ME3: variants seen among roughly 807,000 people sequenced by gnomAD.
ME3 encodes the protein NADP-dependent malic enzyme, mitochondrial.
In ME3, 48 loss-of-function variants were observed where a neutral mutation model predicts 68.9. That is an observed-to-expected ratio of 0.70 (90% CI 0.55 to 0.89). The LOEUF (loss-of-function observed/expected upper bound fraction) is 0.89, where lower values mean the gene tolerates loss of function less well. Ranked by LOEUF, ME3 falls within the 40% of genes least tolerant of loss-of-function variation. The pLI is 0.00. For missense variants in ME3, 675 were observed against 797.4 expected (o/e 0.85, Z 1.85); for synonymous variants, 320 against 318.8 (o/e 1.00, Z -0.04).
chr11:86,446,288 A>T, intron 13 of ME3, 26 bp downstream of exon 13: 1 of 1,612,530 alleles, frequency 6.2e-7, no homozygotes, highest in Non-Finnish European at 8.5e-7. Flanking sequence ...TACTGCAAGC[A>T]TTTGAGGGAG....
intron 4 of ME3, among the ~76,000 whole-genome samples, chr11:86,536,958 A>C (rs1303522172): frequency 2.0e-5 from 3 of 152,004 alleles, no homozygotes; most frequent in Admixed American, 6.5e-5. Context: ...ATGCAGCCAT[A>C]AAAAATGATG....
chr11:86,453,444 T>C (rs747999785), intron 8 of ME3, among the ~76,000 whole-genome samples: 7 of 152,202 alleles, frequency 4.6e-5, no homozygotes, highest in East Asian at 1.9e-4. Flanking sequence ...ACTTTTCAGC[T>C]TTGCCAACTT....
At position 86,533,512 on chromosome 11, in the gene ME3, C is replaced by G. The variant is rs140874548; in HGVS notation, c.467+23041G>C. Among the ~76,000 whole-genome samples, 280 of 152,190 alleles carry G rather than the reference C, an allele frequency of 1.8e-3. 1 individual carries two copies. The highest frequency in any genetic ancestry group is 0.01 in the Middle Eastern group (3 of 294). On this transcript the variant is annotated intron_variant, in intron 4 of 14. Transcript: ENST00000543262. Reference sequence around the variant, plus strand: ...ATTGAATCAGTGATCAAAAGTCAACCATCAAAGAAAAACCCAGGACCAGAC... The same window carrying G: ...ATTGAATCAGTGATCAAAAGTCAACGATCAAAGAAAAACCCAGGACCAGAC...
At chr11:86,487,426 G>T in exon 7 of ME3, 1 of 1,613,932 alleles carries the variant, frequency 6.2e-7, no homozygotes, top group Non-Finnish European at 8.5e-7. Flanking sequence ...TGTACAGAGG[G>T]TCTCTGAGCA....
chr11:86,569,697 C>T (rs1565153197), intron 2 of ME3, among the ~76,000 whole-genome samples: 1 of 152,190 alleles, frequency 6.6e-6, no homozygotes, highest in African/African-American at 2.4e-5. Flanking sequence ...AGATACTTTA[C>T]ACTCATCGTG....
chr11:86,479,563 T>C (rs1170495682), intron 7 of ME3, among the ~76,000 whole-genome samples: 3 of 152,192 alleles, frequency 2.0e-5, no homozygotes, highest in Non-Finnish European at 4.4e-5. Context: ...TCCTGTGTTC[T>C]TGCTTTTCTC....
chr11:86,535,135 C>A (rs1184502857), intron 4 of ME3, among the ~76,000 whole-genome samples: 1 of 152,144 alleles, frequency 6.6e-6, no homozygotes, highest in Non-Finnish European at 1.5e-5. Flanking sequence ...CTGTATTTGT[C>A]CTGCTATTAC....
intron 7 of ME3, among the ~76,000 whole-genome samples, chr11:86,475,547 G>A (rs2446225): frequency 0.34 from 52,125 of 151,938 alleles, 9,125 homozygotes; most frequent in African/African-American, 0.35. Context: ...GGGAAGGCAC[G>A]TGATAAATAT....
chr11:86,605,280 C>T (rs1303589581), intron 2 of ME3, among the ~76,000 whole-genome samples: 3 of 152,162 alleles, frequency 2.0e-5, no homozygotes, highest in Admixed American at 6.5e-5. Flanking sequence ...GCCTACTGTG[C>T]CAATATGATT....
intron 2 of ME3, among the ~76,000 whole-genome samples, chr11:86,586,514 G>C (rs757094394): frequency 2.6e-5 from 4 of 152,274 alleles, no homozygotes; most frequent in Non-Finnish European, 5.9e-5. Context: ...TAGGGTGTTG[G>C]AGAAGCCAAC....
chr11:86,610,526 T>TGCA (rs1217212456), intron 2 of ME3, among the ~76,000 whole-genome samples: 3 of 152,182 alleles, frequency 2.0e-5, no homozygotes, highest in East Asian at 3.9e-4. Flanking sequence ...AGGTAGAAGG[T>TGCA]GCAGCAGCAG....
rs140275982 is a variant in ME3, at chr11:86,575,641, C to A, written c.184-15818G>T. Among the ~76,000 whole-genome samples, 21 of 118,054 alleles carry A rather than the reference C, an allele frequency of 1.8e-4. 2 individuals carry two copies. Among genetic ancestry groups the A allele is most frequent in the Non-Finnish European group, 3.0e-4 (17 of 55,782 alleles). The allele number at this position is 118,054 out of a possible 152,430, so 77.4% of individuals were successfully genotyped here. A position where few individuals can be genotyped will look rare whatever the true frequency, so the allele number is the denominator to read the frequency against. ...GAGATGAAGTGGATGACGTGCTCCC[C>A]CCCAGGTTGGGTGCAGTGACTCACA... On this transcript the variant is annotated intron_variant, in intron 2 of 14. Transcript: ENST00000543262.
At chr11:86,639,299 T>A (rs182093163) in intron 2 of ME3, among the ~76,000 whole-genome samples, 23 of 152,366 alleles carry the variant, frequency 1.5e-4, no homozygotes, top group East Asian at 1.3e-3. Context: ...CTAATGTACA[T>A]AATGTGTTTC....
chr11:86,559,630 A>G, intron 3 of ME3, 60 bp downstream of exon 3: 1 of 1,536,848 alleles, frequency 6.5e-7, no homozygotes, highest in Non-Finnish European at 8.8e-7. Context: ...TCTGTGAAGC[A>G]CAGGAAACAG....
exon 12 of ME3, chr11:86,447,173 C>G (rs1593990298): frequency 1.2e-6 from 2 of 1,614,180 alleles, no homozygotes; most frequent in Non-Finnish European, 1.7e-6. Flanking sequence ...CCCTCAGAAT[C>G]TGCTCCGTGA....
chr11:86,615,023 G>GT (rs5793204), intron 2 of ME3, among the ~76,000 whole-genome samples: 5 of 151,978 alleles, frequency 3.3e-5, no homozygotes, highest in Non-Finnish European at 5.9e-5. Context: ...GAACCAAATC[G>GT]TTTTTTTAAA....
chr11:86,542,001 C>G (rs1314371840), intron 4 of ME3, among the ~76,000 whole-genome samples: 1 of 152,140 alleles, frequency 6.6e-6, no homozygotes, highest in East Asian at 1.9e-4. Flanking sequence ...CTGGTGATAC[C>G]CAGGCAAACA....
At chr11:86,530,204 A>C (rs1006938440) in intron 4 of ME3, among the ~76,000 whole-genome samples, 2 of 152,258 alleles carry the variant, frequency 1.3e-5, no homozygotes, top group African/African-American at 4.8e-5. Context: ...CTTATACACC[A>C]ATAACAGACA....
intron 2 of ME3, chr11:86,622,658 A>G (rs763448420): frequency 3.3e-5 from 5 of 151,962 alleles, no homozygotes; most frequent in Non-Finnish European, 5.9e-5. Context: ...TCTTCTGTCT[A>G]TGGGTCTCTT....
Sources: gnomAD v4.1 joint callset for allele counts (sites outside exome capture counted in the v4.1 genomes callset) on GRCh38, gnomAD v4.1.1 for gene constraint, MANE v1.5 for transcripts, NCBI Gene and HGNC (gene_info 2026-07-23, HGNC 2026-07-21) for gene names.